TRIO: variants seen among roughly 807,000 people sequenced by gnomAD.
TRIO encodes triple functional domain protein.
TRIO carries 58 observed loss-of-function variants against 351.9 expected under a neutral mutation model. The ratio of observed to expected loss-of-function variants is 0.16; its 90% CI spans 0.13 to 0.21. The LOEUF (loss-of-function observed/expected upper bound fraction) is 0.21. TRIO is among the 10% of genes least tolerant of loss of function. The pLI is 1.00. For missense variants in TRIO, 3,201 were observed against 4,027.8 expected (o/e 0.79, Z 5.56); for synonymous variants, 1,758 against 1,595.7 (o/e 1.10, Z -2.42).
chr5:14,466,787 T>A (rs189900690), intron 37 of TRIO, among the ~76,000 whole-genome samples: 1 of 152,334 alleles, frequency 6.6e-6, no homozygotes, highest in East Asian at 1.9e-4. Flanking sequence ...TCCAAATGGA[T>A]TCATTCAATT....
chr5:14,307,450 C>T (rs1316909833), intron 8 of TRIO, among the ~76,000 whole-genome samples: 1 of 152,200 alleles, frequency 6.6e-6, no homozygotes, highest in Admixed American at 6.5e-5. Context: ...TTAAAGAGTA[C>T]AGGCCTTTCT....
chr5:14,426,060 T>C (rs988943405), intron 34 of TRIO, among the ~76,000 whole-genome samples: 1 of 152,238 alleles, frequency 6.6e-6, no homozygotes, highest in Non-Finnish European at 1.5e-5. Context: ...GTTACTCTTA[T>C]CACCTGATCA....
intron 33 of TRIO, 46 bp downstream of exon 33, chr5:14,406,718 T>A: frequency 6.3e-7 from 1 of 1,582,952 alleles, no homozygotes; most frequent in Non-Finnish European, 8.7e-7. Context: ...ATGTGGCCAG[T>A]CTCTGGTCAA....
Position 14,387,468 on chromosome 5 carries a change from C to G in TRIO, c.3601C>G (p.Gln1201Glu), listed in dbSNP as rs917625867. The change falls in exon 22 of 57, where the codon CAG becomes GAG. Residue 1201 changes from glutamine to glutamate, a missense_variant. Transcript: ENST00000344204. ...QTKERVKLLIQLADGFCEKGH... is the reference protein window; with the variant it reads ...QTKERVKLLIELADGFCEKGH... ...CAAAGAGAGAGTGAAGCTATTGATA[C>G]AGCTGGCTGATGGCTTTTGTGAAAA... 9 of 1,613,174 alleles carry G rather than the reference C, an allele frequency of 5.6e-6. No homozygotes were observed. The highest frequency in any genetic ancestry group is 7.6e-6 in the Non-Finnish European group (9 of 1,179,498).
At chr5:14,455,984 G>T (rs1753266707) in intron 34 of TRIO, among the ~76,000 whole-genome samples, 1 of 152,260 alleles carries the variant, frequency 6.6e-6, no homozygotes, top group South Asian at 2.1e-4. Context: ...TGGGCATGGT[G>T]GGCTGCAGGT....
At chr5:14,185,588 G>A (rs1187643434) in intron 1 of TRIO, among the ~76,000 whole-genome samples, 7 of 152,218 alleles carry the variant, frequency 4.6e-5, no homozygotes, top group Non-Finnish European at 8.8e-5. Context: ...AGAAACTGGG[G>A]CAGCTCTTCT....
At chr5:14,277,038 A>C (rs904666044) in intron 2 of TRIO, among the ~76,000 whole-genome samples, 1 of 152,186 alleles carries the variant, frequency 6.6e-6, no homozygotes, top group Non-Finnish European at 1.5e-5. Context: ...ACCTGATAGG[A>C]GGTATTTTTA....
At chr5:14,231,479 A>G (rs533919933) in intron 1 of TRIO, among the ~76,000 whole-genome samples, 22 of 152,338 alleles carry the variant, frequency 1.4e-4, no homozygotes, top group Admixed American at 3.3e-4. Context: ...CAGGCTGTCA[A>G]TGAAGAGAGA....
intron 49 of TRIO, among the ~76,000 whole-genome samples, chr5:14,494,236 GTAT>G (rs778124488): frequency 8.5e-5 from 13 of 152,254 alleles, no homozygotes; most frequent in Non-Finnish European, 1.5e-4. Context: ...GCTGCACTGA[GTAT>G]TATTTTACTG....
intron 53 of TRIO, among the ~76,000 whole-genome samples, chr5:14,501,086 A>C (rs980982594): frequency 6.6e-6 from 1 of 151,898 alleles, no homozygotes; most frequent in African/African-American, 2.4e-5. Flanking sequence ...AAAGAAAAAA[A>C]AAACACCAAG....
chr5:14,202,057 T>C (rs1365068116), intron 1 of TRIO, among the ~76,000 whole-genome samples: 1 of 151,694 alleles, frequency 6.6e-6, no homozygotes, highest in Non-Finnish European at 1.5e-5. Flanking sequence ...ACATGGCACA[T>C]GTATACATAT....
At chr5:14,476,268 T>C (rs1442803292) in intron 40 of TRIO, among the ~76,000 whole-genome samples, 1 of 152,242 alleles carries the variant, frequency 6.6e-6, no homozygotes, top group Non-Finnish European at 1.5e-5. Context: ...TTATTCAGCC[T>C]AGGATATTAG....
At chr5:14,292,405 ATTGCAAATGTC>A (rs70964549) in intron 5 of TRIO, among the ~76,000 whole-genome samples, 45,981 of 152,014 alleles carry the variant, frequency 0.3, 7,559 homozygotes, top group African/African-American at 0.41. Context: ...AAATGTTTTC[ATTGCAAATGTC>A]TTAATTGACA....
At chr5:14,492,513 G>C (rs2126659186) in intron 48 of TRIO, 54 bp from the exon 49 acceptor site, 1 of 1,593,050 alleles carries the variant, frequency 6.3e-7, no homozygotes, top group Non-Finnish European at 8.6e-7. Context: ...CATGTGATCA[G>C]GTCTCGTTTC....
At chr5:14,198,567 G>A (rs968922006) in intron 1 of TRIO, among the ~76,000 whole-genome samples, 2 of 152,294 alleles carry the variant, frequency 1.3e-5, no homozygotes, top group South Asian at 2.1e-4. Flanking sequence ...GGAATTTGGG[G>A]CATTGAAAGA....
At position 14,467,088 on chromosome 5, in the gene TRIO, G is replaced by C. The variant is rs552641587; in HGVS notation, c.5763+1448G>C. Among the ~76,000 whole-genome samples the C allele has an allele frequency of 6.6e-5, 10 of 152,132 alleles. No homozygotes were observed. The East Asian group carries it at 1.9e-3, about 29-fold the overall frequency. ...TTTAAAAACTTGACTAGCCACTAAG[G>C]GTCAGAGACAAGATTATGCTATAAT... On this transcript the variant is annotated intron_variant, in intron 37 of 56. Coordinates refer to ENST00000344204, the MANE Select transcript of TRIO (RefSeq NM_007118.4).
chr5:14,365,429 A>G lies in TRIO; in HGVS notation c.2754+613A>G, dbSNP rs529370528. Among the ~76,000 whole-genome samples, 3 of 152,302 alleles carry G rather than the reference A, an allele frequency of 2.0e-5. No homozygotes were observed. The South Asian group carries it at 6.2e-4, about 32-fold the overall frequency. ...TAAGTTTGGTTGGAGGGGACTTAAGATGCCTCTGGACCATGAGCAGGAGGT... is the reference window on the plus strand; with the variant it reads ...TAAGTTTGGTTGGAGGGGACTTAAGGTGCCTCTGGACCATGAGCAGGAGGT... On this transcript the variant is annotated intron_variant, in intron 15 of 56. Transcript: ENST00000344204.
chr5:14,337,772 G>A (rs910217417), intron 11 of TRIO, among the ~76,000 whole-genome samples: 5 of 152,144 alleles, frequency 3.3e-5, no homozygotes, highest in Non-Finnish European at 5.9e-5. Context: ...TGTTTGGACT[G>A]CAGGCTTCCC....
intron 41 of TRIO, 24 bp from the exon 42 acceptor site, chr5:14,479,237 A>G (rs1579775660): frequency 6.3e-7 from 1 of 1,593,830 alleles, no homozygotes; most frequent in Non-Finnish European, 8.6e-7. Context: ...TTATAACCCA[A>G]CTGTTTGCCT....
Sources: allele counts gnomAD v4.1 joint callset (sites outside exome capture counted in the v4.1 genomes callset), GRCh38; gene constraint gnomAD v4.1.1; transcripts MANE v1.5; gene names NCBI Gene and HGNC (gene_info 2026-07-23, HGNC 2026-07-21).